The following SLC25A21 variants were observed in gnomAD, a reference collection of about 807,000 sequenced individuals.
SLC25A21 encodes solute carrier family 25 member 21, also known as mitochondrial 2-oxodicarboxylate carrier.
A neutral mutation model predicts 43.8 loss-of-function variants in SLC25A21; 47 were observed. That is an observed-to-expected ratio of 1.07 (90% CI 0.85 to 1.37). SLC25A21 has a LOEUF of 1.37. SLC25A21 is among the 40% of genes most tolerant of loss of function. The pLI, the probability that SLC25A21 is intolerant of heterozygous loss-of-function variation, is 0.00. For missense variants in SLC25A21, 352 were observed against 350.2 expected, an observed-to-expected ratio of 1.00 and a Z score of -0.04; for synonymous variants, 131 against 121.3, an observed-to-expected ratio of 1.08 and a Z score of -0.52.
At chr14:36,935,193 T>C (rs1015966661) in intron 1 of SLC25A21, among the ~76,000 whole-genome samples, 5 of 152,152 alleles carry the variant, frequency 3.3e-5, no homozygotes, top group African/African-American at 9.7e-5. Context: ...CTATCCAGAA[T>C]GCGGCTCTGT....
At chr14:37,002,758 A>T (rs1566805890) in intron 1 of SLC25A21, among the ~76,000 whole-genome samples, 1 of 152,228 alleles carries the variant, frequency 6.6e-6, no homozygotes, top group Non-Finnish European at 1.5e-5. Flanking sequence ...TGTGATCTAC[A>T]GCCATGTATA....
chr14:36,739,202 G>A lies in SLC25A21; in HGVS notation c.204-4629C>T, dbSNP rs192762940. 2.0e-5 allele frequency among the ~76,000 whole-genome samples: 3 copies of A among 152,236 alleles called. No homozygotes were observed. The East Asian group carries it at 5.8e-4, about 29-fold the overall frequency. On this transcript the variant is annotated intron_variant, in intron 3 of 9. Transcript: ENST00000331299. ...AGGTCTCTATTCCAATTTTTATTCA[G>A]TTCTGTTTTAAAGTAATATGAAATA...
chr14:36,831,541 C>G (rs1170119826), intron 2 of SLC25A21, among the ~76,000 whole-genome samples: 1 of 152,130 alleles, frequency 6.6e-6, no homozygotes, highest in Admixed American at 6.6e-5. Flanking sequence ...GGAGACTTCT[C>G]TAGTACATAG....
chr14:36,851,302 G>A (rs17105516), intron 2 of SLC25A21, among the ~76,000 whole-genome samples: 11,212 of 152,168 alleles, frequency 0.074, 588 homozygotes, highest in East Asian at 0.21. Context: ...CTGTTCAACC[G>A]AGGACGGAAA....
chr14:37,169,193 C>T (rs998519804), intron 1 of SLC25A21, among the ~76,000 whole-genome samples: 43 of 152,218 alleles, frequency 2.8e-4, no homozygotes, highest in African/African-American at 8.9e-4. Flanking sequence ...AGGGAGCTGG[C>T]ACCATGATGT....
At chr14:36,864,253 C>T (rs1455377034) in intron 2 of SLC25A21, among the ~76,000 whole-genome samples, 1 of 152,144 alleles carries the variant, frequency 6.6e-6, no homozygotes, top group South Asian at 2.1e-4. Context: ...TGTATTAATG[C>T]ACTTAGGTTG....
chr14:36,753,937 G>GAGAGAGAGAGAC, intron 3 of SLC25A21, among the ~76,000 whole-genome samples: 1 of 148,016 alleles, frequency 6.8e-6, no homozygotes, highest in South Asian at 2.1e-4. Context: ...GAGAGAGAGA[G>GAGAGAGAGAGAC]AGAGAGAGAG....
At chr14:36,943,455 A>G (rs573104325) in intron 1 of SLC25A21, among the ~76,000 whole-genome samples, 1 of 152,276 alleles carries the variant, frequency 6.6e-6, no homozygotes, top group South Asian at 2.1e-4. Context: ...GCCTCCCAAA[A>G]GTGCTGGGAT....
At chr14:36,830,793 G>A (rs1435579093) in intron 2 of SLC25A21, among the ~76,000 whole-genome samples, 4 of 152,156 alleles carry the variant, frequency 2.6e-5, no homozygotes, top group Non-Finnish European at 5.9e-5. Context: ...TTCATGGCTT[G>A]GGATAGAGAA....
At chr14:37,029,758 C>G (rs1047365290) in intron 1 of SLC25A21, among the ~76,000 whole-genome samples, 2 of 106,272 alleles carry the variant, frequency 1.9e-5, no homozygotes, top group African/African-American at 8.7e-5. Flanking sequence ...TAATAGCCGA[C>G]TTTTTTTTTT....
At chr14:36,986,752 AT>A (rs1265398668) in intron 1 of SLC25A21, among the ~76,000 whole-genome samples, 1 of 151,732 alleles carries the variant, frequency 6.6e-6, no homozygotes, top group Non-Finnish European at 1.5e-5. Flanking sequence ...CATTTTTTTT[AT>A]GTTTAGGTGT....
At chr14:36,967,215 G>C (rs1959637327) in intron 1 of SLC25A21, among the ~76,000 whole-genome samples, 1 of 152,152 alleles carries the variant, frequency 6.6e-6, no homozygotes, top group South Asian at 2.1e-4. Flanking sequence ...TGATCCTCTA[G>C]AAGTGGGGAG....
At chr14:36,779,933 G>A (rs957509764) in intron 3 of SLC25A21, among the ~76,000 whole-genome samples, 9 of 151,724 alleles carry the variant, frequency 5.9e-5, no homozygotes, top group South Asian at 2.1e-4. Flanking sequence ...GTTGTAAGTC[G>A]AGCTGGCCTT....
At chr14:37,037,751 A>T (rs1433819668) in intron 1 of SLC25A21, among the ~76,000 whole-genome samples, 1 of 152,086 alleles carries the variant, frequency 6.6e-6, no homozygotes, top group Non-Finnish European at 1.5e-5. Flanking sequence ...TACATTCCCC[A>T]GCCCAGAAGT....
chr14:36,896,501 C>G (rs965585523), intron 1 of SLC25A21, among the ~76,000 whole-genome samples: 1 of 152,088 alleles, frequency 6.6e-6, no homozygotes, highest in East Asian at 1.9e-4. Context: ...TCCAATTTGC[C>G]AGTCTGTGTC....
At chr14:37,073,811 A>T (rs10220604) in intron 1 of SLC25A21, among the ~76,000 whole-genome samples, 33,487 of 152,022 alleles carry the variant, frequency 0.22, 8,590 homozygotes, top group African/African-American at 0.62. Context: ...AACCCAGGTT[A>T]GCCTCCTGCG....
At chr14:37,058,441 C>T (rs368997699) in intron 1 of SLC25A21, among the ~76,000 whole-genome samples, 4 of 152,264 alleles carry the variant, frequency 2.6e-5, no homozygotes, top group East Asian at 1.9e-4. Context: ...ATAATGAAAG[C>T]ATCTCAATAT....
At chr14:36,970,443 T>G (rs768201335) in intron 1 of SLC25A21, among the ~76,000 whole-genome samples, 2 of 152,140 alleles carry the variant, frequency 1.3e-5, no homozygotes, top group African/African-American at 2.4e-5. Context: ...AACTTCAAAG[T>G]AAAGGAAATA....
intron 1 of SLC25A21, among the ~76,000 whole-genome samples, chr14:37,159,908 A>C (rs560486222): frequency 6.6e-6 from 1 of 152,224 alleles, no homozygotes; most frequent in East Asian, 1.9e-4. Context: ...AAAAGTAGGC[A>C]AAGTACACGA....
Sources: allele counts gnomAD v4.1 joint callset (sites outside exome capture counted in the v4.1 genomes callset), GRCh38; gene constraint gnomAD v4.1.1; transcripts MANE v1.5; gene names NCBI Gene and HGNC (gene_info 2026-07-23, HGNC 2026-07-21).